Variants in NAA35 observed in about 807,000 individuals in gnomAD.
The protein encoded by NAA35 is N-alpha-acetyltransferase 35, NatC auxiliary subunit.
In NAA35, 18 loss-of-function variants were observed where a neutral mutation model predicts 101.7. That is an observed-to-expected ratio of 0.18 (90% CI 0.12 to 0.26). The LOEUF is 0.26. Among genes scored for constraint, NAA35 ranks in the 10% least tolerant of loss-of-function variants. The pLI, the probability that NAA35 is intolerant of heterozygous loss-of-function variation, is 1.00. For synonymous variants in NAA35, 267 were observed against 273.1 expected (o/e 0.98, Z 0.22); for missense variants, 601 against 886.8 (o/e 0.68, Z 4.09).
In NAA35 at chr9:85,978,316, T is replaced by A; in HGVS notation, c.812T>A (p.Leu271His). The A allele has an allele frequency of 6.8e-6, 11 of 1,613,504 alleles. No individual in the cohort carries two copies. The highest frequency in any genetic ancestry group is 9.3e-6 in the Non-Finnish European group (11 of 1,179,552). The change falls in exon 11 of 23, where the codon CTT becomes CAT. Residue 271 changes from leucine to histidine, a missense_variant. Around this residue, in one of 8 missense-constraint regions of NAA35, gnomAD observed 190 missense variants for 223.1 expected, o/e 0.85. Transcript: ENST00000361671. ...AQKLMVQAADLLSAIHNSLHH... is the reference protein window; with the variant it reads ...AQKLMVQAADHLSAIHNSLHH... Reference sequence around the variant, plus strand: ...AAATTGATGGTTCAAGCAGCAGATCTTCTTTCTGCCATTCATAATTCATTG... The same window carrying A: ...AAATTGATGGTTCAAGCAGCAGATCATCTTTCTGCCATTCATAATTCATTG...
intron 12 of NAA35, among the ~76,000 whole-genome samples, chr9:85,997,795 T>C (rs1831232732): frequency 6.6e-6 from 1 of 152,210 alleles, no homozygotes; most frequent in Non-Finnish European, 1.5e-5. Context: ...CACCTTAGTT[T>C]TAAGAGTGGG....
At chr9:86,010,194 A>T (rs1019872066) in intron 15 of NAA35, among the ~76,000 whole-genome samples, 10 of 152,276 alleles carry the variant, frequency 6.6e-5, no homozygotes, top group East Asian at 1.9e-4. Flanking sequence ...GTGAACCAAG[A>T]TCGTGCCACT....
intron 15 of NAA35, among the ~76,000 whole-genome samples, chr9:86,012,818 A>C (rs958038642): frequency 2.6e-5 from 4 of 152,226 alleles, no homozygotes; most frequent in African/African-American, 7.2e-5. Flanking sequence ...TATTTTTATC[A>C]TATGAAAGCA....
At chr9:86,018,501 A>T in intron 20 of NAA35, 106 bp downstream of exon 20, 1 of 1,370,448 alleles carries the variant, frequency 7.3e-7, no homozygotes, top group Non-Finnish European at 9.9e-7. Context: ...TATTTAAATC[A>T]TAAGAATAAT....
chr9:85,962,379 T>A (rs1284535837), intron 6 of NAA35, among the ~76,000 whole-genome samples, 199 bp downstream of exon 6: 1 of 148,382 alleles, frequency 6.7e-6, no homozygotes, highest in Non-Finnish European at 1.5e-5. Flanking sequence ...TAATCCCAGC[T>A]ACTTGGGAGG....
intron 2 of NAA35, among the ~76,000 whole-genome samples, chr9:85,951,207 G>A (rs59473799): frequency 0.067 from 10,140 of 151,820 alleles, 1,112 homozygotes; most frequent in African/African-American, 0.23. Flanking sequence ...AGAAATCATT[G>A]TATTTTCCAA....
chr9:85,996,830 C>T (rs111800978), intron 12 of NAA35, among the ~76,000 whole-genome samples: 54 of 152,154 alleles, frequency 3.5e-4, no homozygotes, highest in African/African-American at 1.2e-3. Context: ...ATTAAGAAGC[C>T]GATGTTGAAG....
chr9:86,005,467 A>C (rs938265916), intron 13 of NAA35, among the ~76,000 whole-genome samples: 1 of 152,228 alleles, frequency 6.6e-6, no homozygotes, highest in African/African-American at 2.4e-5. Flanking sequence ...TGAACATTGG[A>C]AATCTTAGCC....
At chr9:85,997,331 C>T (rs932098624) in intron 12 of NAA35, among the ~76,000 whole-genome samples, 1 of 151,270 alleles carries the variant, frequency 6.6e-6, no homozygotes, top group Admixed American at 6.6e-5. Flanking sequence ...AGACACATGC[C>T]ACTAGACTTG....
intron 11 of NAA35, among the ~76,000 whole-genome samples, chr9:85,981,668 C>G (rs917341227): frequency 1.3e-5 from 2 of 152,140 alleles, no homozygotes; most frequent in African/African-American, 4.8e-5. Context: ...AAAATGTAAT[C>G]TTACGACTAA....
chr9:85,984,618 T>TA (rs1830572215), intron 11 of NAA35, among the ~76,000 whole-genome samples: 1 of 152,154 alleles, frequency 6.6e-6, no homozygotes, highest in South Asian at 2.1e-4. Flanking sequence ...TCATACTTCC[T>TA]AAAGCAAAAC....
chr9:85,966,472 T>C (rs1333992713), intron 6 of NAA35: 1 of 301,964 alleles, frequency 3.3e-6, no homozygotes, highest in African/African-American at 2.2e-5. Context: ...GAAGGAAGGT[T>C]ATCGAATGTT....
intron 11 of NAA35, among the ~76,000 whole-genome samples, chr9:85,988,810 G>C (rs1263358516): frequency 2.0e-5 from 3 of 150,846 alleles, no homozygotes; most frequent in African/African-American, 7.3e-5. Context: ...AAAAAAAAAA[G>C]GACATGGAGG....
intron 22 of NAA35, 34 bp downstream of exon 22, chr9:86,021,003 G>A (rs768528342): frequency 1.3e-6 from 2 of 1,484,082 alleles, no homozygotes; most frequent in Middle Eastern, 1.8e-4. Flanking sequence ...AGTGGTCTTA[G>A]ATTATTGTGA....
chr9:85,978,368 T>C lies in NAA35; in HGVS notation c.864T>C (p.Asp288=). The C allele has an allele frequency of 6.2e-7, 1 of 1,601,894 alleles. No homozygotes were observed. The highest frequency in any genetic ancestry group is 8.6e-7 in the Non-Finnish European group (1 of 1,169,064). Residue 288 remains aspartate, a synonymous_variant, in exon 11 of 23, where the codon GAT becomes GAC. Transcript: ENST00000361671. ...SLHHGIQAQN[D]TTKGDHPIMM... ...ATCATGGCATCCAGGCCCAGAATGA[T>C]ACTACAAAAGGAGGTAATTGTTCAA...
intron 3 of NAA35, among the ~76,000 whole-genome samples, chr9:85,957,838 T>C (rs970411070): frequency 6.6e-6 from 1 of 152,174 alleles, no homozygotes; most frequent in Non-Finnish European, 1.5e-5. Context: ...GATTTGAGCG[T>C]GTGCCAGAAT....
rs936013708 is a variant in NAA35, at chr9:86,016,409, C to T, written c.1569-130C>T. On this transcript the variant is annotated intron_variant, in intron 17 of 22. Coordinates refer to ENST00000361671, the MANE Select transcript of NAA35 (RefSeq NM_024635.4). ...ATGTTCATTTCTTGTAAGATCTAAT[C>T]TATTATCTAATGAATGATCTGTTTT... is the stretch of plus-strand genomic sequence containing the variant. The T allele has an allele frequency of 7.1e-6, 5 of 705,682 alleles. No individual in the cohort carries two copies. In the African/African-American group the frequency reaches 9.0e-5, roughly 13 times the overall value. 43.7% of individuals were successfully genotyped at this position (705,682 alleles called of 1,614,324 possible). A position where few individuals can be genotyped will look rare whatever the true frequency, so the allele number is the denominator to read the frequency against.
intron 13 of NAA35, among the ~76,000 whole-genome samples, chr9:86,006,212 G>A (rs1285849724): frequency 6.6e-6 from 1 of 152,102 alleles, no homozygotes; most frequent in Non-Finnish European, 1.5e-5. Context: ...TGGTGAGGAT[G>A]TATTTGGTGA....
At chr9:85,977,143 C>G (rs1830245402) in intron 9 of NAA35, among the ~76,000 whole-genome samples, 1 of 152,068 alleles carries the variant, frequency 6.6e-6, no homozygotes, top group African/African-American at 2.4e-5. Flanking sequence ...AGGACAAGAT[C>G]AGTGCTGTTG....
Sources: allele counts gnomAD v4.1 joint callset (sites outside exome capture counted in the v4.1 genomes callset), GRCh38; gene constraint gnomAD v4.1.1; regional missense constraint gnomAD v4.1.1; transcripts MANE v1.5; gene names NCBI Gene and HGNC (gene_info 2026-07-23, HGNC 2026-07-21).